The following SLC9A7 variants were observed in gnomAD, a reference collection of about 807,000 sequenced individuals.
SLC9A7 encodes sodium/hydrogen exchanger 7.
SLC9A7 carries 19 observed loss-of-function variants against 52.6 expected under a neutral mutation model. The ratio of observed to expected loss-of-function variants is 0.36; its 90% CI spans 0.25 to 0.53. The LOEUF is 0.53. Among genes scored for constraint, SLC9A7 ranks in the 20% least tolerant of loss-of-function variants. SLC9A7 has a pLI of 0.91. For synonymous variants in SLC9A7, 226 were observed against 252.1 expected, an observed-to-expected ratio of 0.90 and a Z score of 0.98; for missense variants, 455 against 597.9, an observed-to-expected ratio of 0.76 and a Z score of 2.49.
intron 1 of SLC9A7, among the ~76,000 whole-genome samples, chrX:46,738,091 GAAAGAAAGAAAGAA>G (rs1569525274): frequency 1.6e-5 from 1 of 62,522 alleles, no homozygotes; most frequent in African/African-American, 4.2e-5. Context: ...AAGAAAGAAA[GAAAGAAAGAAAGAA>G]AGAGAAAAGA....
At chrX:46,757,936 C>T (rs1240084635) in intron 1 of SLC9A7, among the ~76,000 whole-genome samples, 2 of 111,937 alleles carry the variant, frequency 1.8e-5, no homozygotes, top group African/African-American at 6.5e-5. Context: ...ATTAAAACCA[C>T]GACTTTTCCC....
intron 1 of SLC9A7, among the ~76,000 whole-genome samples, chrX:46,695,479 T>C (rs1254686792): frequency 1.8e-5 from 2 of 112,407 alleles, no homozygotes; most frequent in African/African-American, 6.5e-5. Flanking sequence ...CAGGAAGTGA[T>C]AGCAGGTTAA....
rs181795708 is a variant in SLC9A7, at chrX:46,725,826, G to A, written c.325+32879C>T. ...CCCGAAGAATTGGTTGATCTTGAGC[G>A]GCCGCAAAGAAACCCAAACACTGGA... On this transcript the variant is annotated intron_variant, in intron 1 of 16. Transcript: ENST00000616978. The A allele has an allele frequency of 3.8e-4, 234 of 615,265 alleles. No individual in the cohort carries two copies. The African/African-American group carries it at 4.3e-3, about 11-fold the overall frequency. The allele number at this position is 615,265 out of a possible 1,213,427, so 50.7% of individuals were successfully genotyped here.
At chrX:46,658,407 C>A (rs1354315106) in intron 7 of SLC9A7, among the ~76,000 whole-genome samples, 2 of 107,631 alleles carry the variant, frequency 1.9e-5, no homozygotes, top group African/African-American at 3.4e-5. Context: ...ACACAAAAAA[C>A]CCTTCAAAAA....
chrX:46,666,263 T>C (rs780842592), intron 5 of SLC9A7, among the ~76,000 whole-genome samples: 14 of 111,504 alleles, frequency 1.3e-4, no homozygotes, highest in African/African-American at 4.6e-4. Flanking sequence ...ATCACCACTA[T>C]GGTCAGCTAA....
At chrX:46,706,911 T>G (rs67966197) in intron 1 of SLC9A7, among the ~76,000 whole-genome samples, 6,644 of 111,224 alleles carry the variant, frequency 0.06, 490 homozygotes, top group African/African-American at 0.21. Flanking sequence ...TGGCTAATTT[T>G]TATATTTTTA....
chrX:46,599,365 C>T lies in SLC9A7; in HGVS notation c.*7587G>A, dbSNP rs906152876. ...GAAAGCTGGAGAGGAATAGCTTACA[C>T]CCAGAAAAGAACCTCTCAGTGAGGG... On this transcript the variant is annotated 3_prime_UTR_variant, in exon 17 of 17. Coordinates refer to ENST00000616978, the MANE Select transcript of SLC9A7 (RefSeq NM_001257291.2). The T allele has an allele frequency of 5.4e-5, 6 of 111,935 alleles. No homozygotes were observed. Among genetic ancestry groups the T allele is most frequent in the African/African-American group, 1.9e-4 (6 of 30,878 alleles). 9.2% of individuals were successfully genotyped at this position (111,935 alleles called of 1,213,427 possible). A position where few individuals can be genotyped will look rare whatever the true frequency, so the allele number is the denominator to read the frequency against.
rs1942689938 is a variant in SLC9A7, at chrX:46,603,398, A to T, written c.*3554T>A. The T allele has an allele frequency of 8.9e-6, 1 of 112,314 alleles. No individual in the cohort carries two copies. Among genetic ancestry groups the T allele is most frequent in the Admixed American group, 9.4e-5 (1 of 10,618 alleles). 9.3% of individuals were successfully genotyped at this position (112,314 alleles called of 1,213,427 possible). On this transcript the variant is annotated 3_prime_UTR_variant, in exon 17 of 17. Coordinates refer to ENST00000616978, the MANE Select transcript of SLC9A7 (RefSeq NM_001257291.2). The stretch of plus-strand genomic sequence containing the variant: ...CTTGTATGTGAGTAGATCAGAATCA[A>T]ATGTTTGCAGTGAAGACTACAAGAC...
At chrX:46,626,877 T>G (rs1484722549) in intron 14 of SLC9A7, among the ~76,000 whole-genome samples, 1 of 112,403 alleles carries the variant, frequency 8.9e-6, no homozygotes, top group African/African-American at 3.2e-5. Flanking sequence ...CTTGCAGAAC[T>G]ATGAGTCAAT....
chrX:46,635,683 G>A lies in SLC9A7; in HGVS notation c.1617-35C>T, dbSNP rs779403280. On this transcript the variant is annotated intron_variant, in intron 12 of 16. Transcript: ENST00000616978. The stretch of plus-strand genomic sequence containing the variant: ...AGAAGAAGGGAACGTGAGTGTGACA[G>A]GGACAACAGGAGAGCCAGGAGCTCT... 3.6e-6 allele frequency: 4 copies of A among 1,113,495 alleles called. No individual in the cohort carries two copies. The Admixed American group carries it at 8.8e-5, about 25-fold the overall frequency. The allele number at this position is 1,113,495 out of a possible 1,213,427, so 91.8% of individuals were successfully genotyped here. A position where few individuals can be genotyped will look rare whatever the true frequency, so the allele number is the denominator to read the frequency against.
chrX:46,716,023 T>G (rs1287985898), intron 1 of SLC9A7, among the ~76,000 whole-genome samples: 3 of 111,885 alleles, frequency 2.7e-5, no homozygotes, highest in Non-Finnish European at 5.6e-5. Context: ...CAAAAGTCCT[T>G]AAGGCAGGCA....
Position 46,671,565 on chromosome X carries a change from T to A in SLC9A7, c.680+986A>T, listed in dbSNP as rs149133221. ...ATTACAGGCGTGAGCCACTTCGCCCTGCCAGACTTTGCTCATTTTTGATGA... is the reference window on the plus strand; with the variant it reads ...ATTACAGGCGTGAGCCACTTCGCCCAGCCAGACTTTGCTCATTTTTGATGA... On this transcript the variant is annotated intron_variant, in intron 4 of 16. Coordinates refer to ENST00000616978, the MANE Select transcript of SLC9A7 (RefSeq NM_001257291.2). Among the ~76,000 whole-genome samples, 748 of 111,695 alleles carry A rather than the reference T, an allele frequency of 6.7e-3. 10 individuals carry two copies. The East Asian group carries it at 0.093, about 14-fold the overall frequency.
chrX:46,607,147 C>T lies in SLC9A7; in HGVS notation c.1986G>A (p.Leu662=), dbSNP rs761086721. The T allele has an allele frequency of 9.1e-6, 11 of 1,209,240 alleles. No homozygotes were observed. In the Admixed American group the frequency reaches 2.2e-4, roughly 24 times the overall value. ...DSDFILTEGD[L]TLTYGDSTVT... Reference sequence around the variant, plus strand: ...CTGTGCTGTCCCCGTAGGTCAATGTCAGGTCGCCTTCGGTCAGGATGAAAT... The same window carrying T: ...CTGTGCTGTCCCCGTAGGTCAATGTTAGGTCGCCTTCGGTCAGGATGAAAT... The change falls in exon 17 of 17, where the codon CTG becomes CTA. Residue 662 remains leucine, a synonymous_variant. Transcript: ENST00000616978.
intron 1 of SLC9A7, among the ~76,000 whole-genome samples, chrX:46,707,971 C>T (rs915838900): frequency 1.8e-5 from 2 of 110,052 alleles, no homozygotes; most frequent in Admixed American, 1.9e-4. Context: ...AACTCCTGAC[C>T]TCAAGCGATC....
At chrX:46,614,349 T>C (rs1442151174) in intron 15 of SLC9A7, among the ~76,000 whole-genome samples, 1 of 112,016 alleles carries the variant, frequency 8.9e-6, no homozygotes, top group Non-Finnish European at 1.9e-5. Context: ...TAATAAAGTA[T>C]TGAATATCTC....
intron 7 of SLC9A7, among the ~76,000 whole-genome samples, chrX:46,655,469 C>T (rs1435962816): frequency 8.9e-6 from 1 of 111,919 alleles, no homozygotes; most frequent in Non-Finnish European, 1.9e-5. Context: ...CCGGGTTCAT[C>T]TCACTAGGGA....
chrX:46,652,548 C>T (rs1237974128), intron 8 of SLC9A7, among the ~76,000 whole-genome samples: 2 of 112,014 alleles, frequency 1.8e-5, no homozygotes, highest in Non-Finnish European at 3.8e-5. Flanking sequence ...TTAATGGTAA[C>T]CATTTTGTTG....
intron 1 of SLC9A7, among the ~76,000 whole-genome samples, chrX:46,698,128 G>A (rs756952982): frequency 1.5e-4 from 17 of 111,980 alleles, no homozygotes; most frequent in South Asian, 1.1e-3. Flanking sequence ...TTTTAATTTC[G>A]TCCCGGTCCT....
At chrX:46,675,934 G>C (rs1471147626) in intron 3 of SLC9A7, among the ~76,000 whole-genome samples, 1 of 112,400 alleles carries the variant, frequency 8.9e-6, no homozygotes, top group Non-Finnish European at 1.9e-5. Flanking sequence ...GGGGTTCCGA[G>C]AGCTTCCAAA....
Sources: gnomAD v4.1 joint callset for allele counts (sites outside exome capture counted in the v4.1 genomes callset) on GRCh38, gnomAD v4.1.1 for gene constraint, MANE v1.5 for transcripts, NCBI Gene and HGNC (gene_info 2026-07-23, HGNC 2026-07-21) for gene names.